Variants in CFAP299 observed in about 807,000 individuals in gnomAD.
The protein encoded by CFAP299 is cilia and flagella associated protein 299.
Under a neutral mutation model 27.0 loss-of-function variants are expected in CFAP299, and 21 were observed. The observed-to-expected ratio is 0.78, with a 90% CI of 0.55 to 1.12. The LOEUF is 1.12. CFAP299 is among the 50% of genes most tolerant of loss of function. The pLI is 0.00. For missense variants in CFAP299, 310 were observed against 276.6 expected, an observed-to-expected ratio of 1.12 and a Z score of -0.86; for synonymous variants, 104 against 98.1, an observed-to-expected ratio of 1.06 and a Z score of -0.36.
At chr4:80,805,235 A>G (rs987739911) in intron 3 of CFAP299, among the ~76,000 whole-genome samples, 2 of 152,064 alleles carry the variant, frequency 1.3e-5, no homozygotes, top group African/African-American at 4.8e-5. Context: ...TCTATTATAA[A>G]TAATATTGAG....
intron 3 of CFAP299, among the ~76,000 whole-genome samples, chr4:80,735,538 T>G (rs1177448534): frequency 6.6e-6 from 1 of 152,120 alleles, no homozygotes; most frequent in African/African-American, 2.4e-5. Flanking sequence ...AAGCTCTTAA[T>G]TTTTGTCTAT....
chr4:80,589,543 A>G (rs998784145), intron 3 of CFAP299, among the ~76,000 whole-genome samples: 2 of 152,220 alleles, frequency 1.3e-5, no homozygotes, highest in Non-Finnish European at 2.9e-5. Flanking sequence ...AGCCACATAT[A>G]TATGTAATAC....
chr4:80,383,364 G>T (rs1303681689), intron 2 of CFAP299, among the ~76,000 whole-genome samples: 2 of 151,952 alleles, frequency 1.3e-5, no homozygotes, highest in Non-Finnish European at 2.9e-5. Context: ...AAAAAAGAAA[G>T]AAAAATATTG....
chr4:80,457,560 T>G (rs1006476753), intron 2 of CFAP299, among the ~76,000 whole-genome samples: 1 of 152,210 alleles, frequency 6.6e-6, no homozygotes, highest in Admixed American at 6.5e-5. Context: ...TTCATCTCTC[T>G]CATTCTTCCC....
At chr4:80,710,500 T>TTTA (rs772343081) in intron 3 of CFAP299, among the ~76,000 whole-genome samples, 1 of 112,068 alleles carries the variant, frequency 8.9e-6, no homozygotes, top group African/African-American at 3.0e-5. Context: ...TTTTTTTTTT[T>TTTA]AAAAAAAAAA....
intron 3 of CFAP299, among the ~76,000 whole-genome samples, chr4:80,704,093 A>G (rs1278019323): frequency 1.3e-5 from 2 of 151,696 alleles, no homozygotes; most frequent in African/African-American, 4.8e-5. Flanking sequence ...ATCTGGGAAA[A>G]GAGGAGTTTT....
intron 2 of CFAP299, among the ~76,000 whole-genome samples, chr4:80,505,859 C>T (rs966846896): frequency 1.3e-5 from 2 of 151,662 alleles, no homozygotes; most frequent in African/African-American, 4.8e-5. Flanking sequence ...CTTGGGTGGC[C>T]GAGGCAGGAG....
intron 4 of CFAP299, among the ~76,000 whole-genome samples, chr4:80,888,196 G>T (rs1734065749): frequency 6.6e-6 from 1 of 152,020 alleles, no homozygotes; most frequent in South Asian, 2.1e-4. Context: ...TAGAGTGGCT[G>T]CATGGGTGAA....
chr4:80,944,064 CAATAAATAAATAAATAAATAAATA>C (rs199854313), intron 4 of CFAP299, among the ~76,000 whole-genome samples: 1 of 144,392 alleles, frequency 6.9e-6, no homozygotes, highest in Non-Finnish European at 1.5e-5. Context: ...GACTCCATCT[CAATAAATAAATAAATAAATAAATA>C]AATAAATAAA....
At chr4:80,505,724 T>C (rs1731994602) in intron 2 of CFAP299, among the ~76,000 whole-genome samples, 1 of 152,044 alleles carries the variant, frequency 6.6e-6, no homozygotes, top group African/African-American at 2.4e-5. Context: ...TTGATGTATA[T>C]AGTATATAAT....
At chr4:80,928,283 AG>A (rs1156860810) in intron 4 of CFAP299, among the ~76,000 whole-genome samples, 1 of 152,112 alleles carries the variant, frequency 6.6e-6, no homozygotes, top group Non-Finnish European at 1.5e-5. Flanking sequence ...AAGAGTGGCC[AG>A]TATCTCTCAC....
rs551805359 is a variant in CFAP299, at chr4:80,919,314, C to T, written c.477-25496C>T. 9.4e-4 allele frequency among the ~76,000 whole-genome samples: 143 copies of T among 152,192 alleles called. 1 individual carries two copies. The highest frequency in any genetic ancestry group is 3.2e-3 in the African/African-American group (131 of 41,534). On this transcript the variant is annotated intron_variant, in intron 4 of 5. Coordinates refer to ENST00000358105, the MANE Select transcript of CFAP299 (RefSeq NM_152770.3). ...CAGCCTCCATATGCTTTAATAGCCA[C>T]GTTGAATTAACACACAGCCCTCTAA...
chr4:80,793,013 A>G (rs908249786), intron 3 of CFAP299, among the ~76,000 whole-genome samples: 1 of 152,090 alleles, frequency 6.6e-6, no homozygotes, highest in African/African-American at 2.4e-5. Context: ...ATTCATTTTC[A>G]TATGCTAAAT....
chr4:80,737,012 AG>A (rs1248981566), intron 3 of CFAP299, among the ~76,000 whole-genome samples: 4 of 152,184 alleles, frequency 2.6e-5, no homozygotes, highest in Admixed American at 6.5e-5. Flanking sequence ...TGTCCTTTGT[AG>A]GGACATGGAT....
At chr4:80,605,731 C>T (rs1261858008) in intron 3 of CFAP299, among the ~76,000 whole-genome samples, 1 of 151,848 alleles carries the variant, frequency 6.6e-6, no homozygotes, top group Non-Finnish European at 1.5e-5. Flanking sequence ...TTAAATTTTC[C>T]TATTGGGAAA....
chr4:80,880,102 A>G (rs1733617273), intron 4 of CFAP299, among the ~76,000 whole-genome samples: 2 of 152,088 alleles, frequency 1.3e-5, no homozygotes, highest in African/African-American at 4.8e-5. Flanking sequence ...GGAAAAAGAA[A>G]TGAGGAAAGA....
chr4:80,593,750 C>A (rs1300705796), intron 3 of CFAP299, among the ~76,000 whole-genome samples: 2 of 152,006 alleles, frequency 1.3e-5, no homozygotes, highest in African/African-American at 4.8e-5. Context: ...TTGGTTTTTG[C>A]TTTTCTTTTT....
chr4:80,653,716 A>G (rs373611501), intron 3 of CFAP299, among the ~76,000 whole-genome samples: 3 of 152,328 alleles, frequency 2.0e-5, no homozygotes, highest in East Asian at 3.9e-4. Context: ...ATTTTACATT[A>G]AAATGTGTTT....
intron 3 of CFAP299, among the ~76,000 whole-genome samples, chr4:80,694,355 G>A (rs1460015277): frequency 2.0e-5 from 3 of 152,168 alleles, no homozygotes; most frequent in Non-Finnish European, 2.9e-5. Flanking sequence ...TGGAGTCTAT[G>A]TTTTATGTTC....
Sources: allele counts gnomAD v4.1 joint callset (sites outside exome capture counted in the v4.1 genomes callset), GRCh38; gene constraint gnomAD v4.1.1; transcripts MANE v1.5; gene names NCBI Gene and HGNC (gene_info 2026-07-23, HGNC 2026-07-21).